EBAG9: variants seen among roughly 807,000 people sequenced by gnomAD.
EBAG9 encodes estrogen receptor binding site associated antigen 9.
EBAG9 carries 16 observed loss-of-function variants against 30.9 expected under a neutral mutation model. The observed-to-expected ratio is 0.52, with a 90% CI of 0.35 to 0.79. The LOEUF (loss-of-function observed/expected upper bound fraction) is 0.79, where lower values mean the gene tolerates loss of function less well. Ranked by LOEUF, EBAG9 falls within the 30% of genes least tolerant of loss-of-function variation. The pLI, the probability that EBAG9 is intolerant of heterozygous loss-of-function variation, is 0.01. For missense variants in EBAG9, 197 were observed against 242.1 expected (o/e 0.81, Z 1.24); for synonymous variants, 93 against 82.8 (o/e 1.12, Z -0.67).
At chr8:109,553,159 C>T (rs1258622094) in intron 2 of EBAG9, among the ~76,000 whole-genome samples, 1 of 151,944 alleles carries the variant, frequency 6.6e-6, no homozygotes, top group Non-Finnish European at 1.5e-5. Flanking sequence ...GTAGCAGGCA[C>T]ACACTGTCTA....
At position 109,564,756 on chromosome 8, in the gene EBAG9, T is replaced by C. The variant is rs1314137691; in HGVS notation, c.*197T>C. On this transcript the variant is annotated 3_prime_UTR_variant, in exon 7 of 7. Transcript: ENST00000337573. ...TGAGACTCAAAAAAACAAAAAAGACTTGAGACAATGTTTTCTTCAACATGC... is the reference window on the plus strand; with the variant it reads ...TGAGACTCAAAAAAACAAAAAAGACCTGAGACAATGTTTTCTTCAACATGC... 1 of 558,590 alleles carries C rather than the reference T, an allele frequency of 1.8e-6. No individual in the cohort carries two copies. The highest frequency in any genetic ancestry group is 2.0e-5 in the African/African-American group (1 of 49,300). 34.6% of individuals were successfully genotyped at this position (558,590 alleles called of 1,614,324 possible).
intron 6 of EBAG9, among the ~76,000 whole-genome samples, chr8:109,561,977 CTTAT>C (rs541035120): frequency 2.9e-4 from 34 of 116,350 alleles, no homozygotes; most frequent in African/African-American, 1.0e-3. Flanking sequence ...AAATTTAGTT[CTTAT>C]TTAATCAGTA....
chr8:109,560,755 GTGTTAAAAGATACTCT>G, intron 5 of EBAG9, 67 bp from the exon 6 acceptor site: 1 of 897,288 alleles, frequency 1.1e-6, no homozygotes. Context: ...TCTGAGTTAT[GTGTTAAAAGATACTCT>G]TTTTAACGGC....
rs1021110962 is a variant in EBAG9 at position 109,564,786 on chromosome 8, A to C, written c.*227A>C. 1 of 412,388 alleles carries C rather than the reference A, an allele frequency of 2.4e-6. No individual in the cohort carries two copies. The highest frequency in any genetic ancestry group is 4.3e-6 in the Non-Finnish European group (1 of 232,880). 25.5% of individuals were successfully genotyped at this position (412,388 alleles called of 1,614,324 possible). ...ACAATGTTTTCTTCAACATGCTCCA[A>C]ATATAAGACATTTGTTTGCTGTACA... On this transcript the variant is annotated 3_prime_UTR_variant, in exon 7 of 7. Coordinates refer to ENST00000337573, the MANE Select transcript of EBAG9 (RefSeq NM_004215.5).
At chr8:109,564,303 A>G in intron 6 of EBAG9, 136 bp from the exon 7 acceptor site, 1 of 1,197,926 alleles carries the variant, frequency 8.3e-7, no homozygotes, top group Non-Finnish European at 1.2e-6. Context: ...TGGAATTTTC[A>G]AATTAGTGAG....
At chr8:109,541,801 A>G (rs912125494) in intron 1 of EBAG9, among the ~76,000 whole-genome samples, 1 of 152,220 alleles carries the variant, frequency 6.6e-6, no homozygotes, top group Admixed American at 6.5e-5. Flanking sequence ...GTGCTAATAT[A>G]TATTCATTTA....
chr8:109,549,868 T>G (rs1330524598), intron 1 of EBAG9, among the ~76,000 whole-genome samples: 2 of 152,094 alleles, frequency 1.3e-5, no homozygotes, highest in African/African-American at 4.8e-5. Context: ...ATTGAAATAG[T>G]CACTTCACCT....
At chr8:109,554,392 G>T (rs1448909694) in intron 3 of EBAG9, among the ~76,000 whole-genome samples, 1 of 152,156 alleles carries the variant, frequency 6.6e-6, no homozygotes, top group African/African-American at 2.4e-5. Context: ...TTTATCAGAT[G>T]ATCAATCTGG....
chr8:109,552,028 A>T (rs565569452), intron 2 of EBAG9, among the ~76,000 whole-genome samples: 1 of 152,066 alleles, frequency 6.6e-6, no homozygotes, highest in Non-Finnish European at 1.5e-5. Context: ...TTACTTACAT[A>T]CTAAGAGGAG....
intron 6 of EBAG9, chr8:109,563,445 C>T: frequency 6.3e-7 from 1 of 1,597,710 alleles, no homozygotes; most frequent in Non-Finnish European, 8.5e-7. Context: ...TTCATCATCC[C>T]ACTCCTACCT....
intron 1 of EBAG9, among the ~76,000 whole-genome samples, chr8:109,542,107 CT>C (rs1275943055): frequency 6.6e-6 from 1 of 152,064 alleles, no homozygotes; most frequent in Non-Finnish European, 1.5e-5. Context: ...CATAAGATGG[CT>C]TTTTGAGTTG....
intron 4 of EBAG9, among the ~76,000 whole-genome samples, chr8:109,556,613 T>C (rs1233826233): frequency 6.6e-6 from 1 of 152,122 alleles, no homozygotes. Flanking sequence ...GTTAATACTA[T>C]TGGCAGGATA....
At chr8:109,553,733 T>A (rs1232046234) in intron 2 of EBAG9, 132 bp from the exon 3 acceptor site, 1 of 665,046 alleles carries the variant, frequency 1.5e-6, no homozygotes, top group Non-Finnish European at 2.5e-6. Context: ...AGTGAGTAAC[T>A]GTTACTAAAA....
chr8:109,560,994 C>A, intron 6 of EBAG9, 65 bp downstream of exon 6: 1 of 1,400,720 alleles, frequency 7.1e-7, no homozygotes. Flanking sequence ...TGCTGTGTTT[C>A]AAGTCAAGGG....
At chr8:109,551,076 A>G (rs1250204905) in intron 2 of EBAG9, among the ~76,000 whole-genome samples, 169 bp downstream of exon 2, 1 of 152,096 alleles carries the variant, frequency 6.6e-6, no homozygotes, top group Non-Finnish European at 1.5e-5. Flanking sequence ...TCTCTACTTC[A>G]GATCTAGAAA....
chr8:109,550,739 G>C (rs555282012), intron 1 of EBAG9, 71 bp from the exon 2 acceptor site: 6 of 835,758 alleles, frequency 7.2e-6, no homozygotes, highest in South Asian at 2.9e-5. Context: ...TGCATAATAG[G>C]TCTTTTCAGG....
intron 1 of EBAG9, 38 bp from the exon 2 acceptor site, chr8:109,550,772 C>A: frequency 1.7e-6 from 2 of 1,208,398 alleles, no homozygotes; most frequent in Non-Finnish European, 2.4e-6. Context: ...CTTTTGAAAT[C>A]AATTTAATGC....
intron 2 of EBAG9, among the ~76,000 whole-genome samples, chr8:109,553,500 T>C (rs1257468516): frequency 1.3e-5 from 2 of 152,210 alleles, no homozygotes; most frequent in African/African-American, 4.8e-5. Context: ...CAAGCCACCC[T>C]GTTTAAAACA....
chr8:109,554,018 A>G, intron 3 of EBAG9, 75 bp downstream of exon 3: 2 of 1,088,066 alleles, frequency 1.8e-6, no homozygotes, highest in South Asian at 3.6e-5. Flanking sequence ...ACAATATTTT[A>G]AAAACTGGAT....
Sources: gnomAD v4.1 joint callset for allele counts (sites outside exome capture counted in the v4.1 genomes callset) on GRCh38, gnomAD v4.1.1 for gene constraint, MANE v1.5 for transcripts, NCBI Gene and HGNC (gene_info 2026-07-23, HGNC 2026-07-21) for gene names.